Variants in UBXN11 observed in about 807,000 individuals in gnomAD.
UBXN11 encodes UBX domain protein 11.
UBXN11 carries 47 observed loss-of-function variants against 62.8 expected under a neutral mutation model. The observed-to-expected ratio is 0.75, with a 90% CI of 0.59 to 0.95. The LOEUF is 0.95. UBXN11 is among the 40% of genes least tolerant of loss of function. The pLI, the probability that UBXN11 is intolerant of heterozygous loss-of-function variation, is 0.00. For synonymous variants in UBXN11, 294 were observed against 267.0 expected (o/e 1.10, Z -0.99); for missense variants, 638 against 661.7 (o/e 0.96, Z 0.39).
At chr1:26,285,366 C>A in intron 10 of UBXN11, 98 bp downstream of exon 10, 3 of 1,548,962 alleles carry the variant, frequency 1.9e-6, no homozygotes, top group Non-Finnish European at 2.6e-6. Context: ...CCAGGGAGTG[C>A]AGCGGCTTCC....
rs778520711 is a variant in UBXN11 at position 26,318,064 on chromosome 1, T to C, written c.-166A>G. ...CTACTCACCATCAGCCTCCTGGTTA[T>C]GGTACAGGTAAGAGCAACGCCTGGC... On this transcript the variant is annotated 5_prime_UTR_variant, in exon 1 of 15. Transcript: ENST00000374217. The C allele has an allele frequency of 6.8e-6, 11 of 1,613,982 alleles. No individual in the cohort carries two copies. In the East Asian group the frequency reaches 2.0e-4, roughly 29 times the overall value.
chr1:26,283,911 G>A (rs1475782125), intron 12 of UBXN11, among the ~76,000 whole-genome samples: 1 of 152,178 alleles, frequency 6.6e-6, no homozygotes, highest in African/African-American at 2.4e-5. Context: ...GCTCACCCCT[G>A]GCCTGGACTC....
At chr1:26,282,598 G>A (rs755149678) in intron 14 of UBXN11, 29 bp from the exon 15 acceptor site, 1 of 1,611,980 alleles carries the variant, frequency 6.2e-7, no homozygotes. Context: ...AGATCAGGCT[G>A]GGCAGTGGGA....
intron 7 of UBXN11, 76 bp downstream of exon 7, chr1:26,296,843 C>CGTAT: frequency 1.3e-6 from 2 of 1,484,586 alleles, no homozygotes; most frequent in South Asian, 1.2e-5. Context: ...GGGCTCGGAC[C>CGTAT]CAGCTCCTGA....
upstream of UBXN11, chr1:26,306,824 C>CGGGGGGG (rs1344172803): frequency 0.012 from 60 of 5,088 alleles, no homozygotes; most frequent in South Asian, 0.017. Context: ...AGGTCCGGGG[C>CGGGGGGG]GGGGTGGGGG....
intron 1 of UBXN11, among the ~76,000 whole-genome samples, chr1:26,315,170 C>T (rs2073780282): frequency 1.3e-5 from 2 of 152,186 alleles, no homozygotes; most frequent in Non-Finnish European, 2.9e-5. Context: ...GAAGATACTC[C>T]TCAGGGTGTC....
rs375072598 is a variant in UBXN11, at chr1:26,285,815, G to A, written c.774+8C>T. ...CTAGAGCACCACCCCCCCCAACACC[G>A]CTCCTACCTGTGTGGAGGGATCGTA... is the stretch of plus-strand genomic sequence containing the variant. On this transcript the variant is annotated splice_region_variant and intron_variant, in intron 9 of 14. Transcript: ENST00000374222. The A allele has an allele frequency of 2.7e-5, 43 of 1,592,880 alleles. No individual in the cohort carries two copies. In the Middle Eastern group the frequency reaches 5.0e-4, roughly 19 times the overall value.
chr1:26,288,103 C>T (rs769649881), intron 8 of UBXN11, among the ~76,000 whole-genome samples: 1 of 152,026 alleles, frequency 6.6e-6, no homozygotes, highest in African/African-American at 2.4e-5. Context: ...GATGGGGTCT[C>T]GCTGTGTTAC....
At chr1:26,309,099 A>G (rs936117313), upstream of UBXN11, among the ~76,000 whole-genome samples, 64 of 150,990 alleles carry the variant, frequency 4.2e-4, no homozygotes, top group Non-Finnish European at 8.8e-5. Flanking sequence ...TGCCCAGCTA[A>G]TTTTTTTGTA....
At chr1:26,297,872 T>C in intron 5 of UBXN11, 90 bp downstream of exon 5, 2 of 1,404,570 alleles carry the variant, frequency 1.4e-6, no homozygotes, top group Middle Eastern at 2.0e-4. Flanking sequence ...GGTTCTAGAA[T>C]CACCCACCCT....
At chr1:26,314,001 C>T (rs4370757) in intron 1 of UBXN11, among the ~76,000 whole-genome samples, 21,390 of 151,866 alleles carry the variant, frequency 0.14, 1,701 homozygotes, top group Middle Eastern at 0.2. Flanking sequence ...AGGATGGTCT[C>T]GATCTCCTGA....
intron 1 of UBXN11, among the ~76,000 whole-genome samples, chr1:26,312,399 T>C (rs1343498134): frequency 6.6e-6 from 1 of 152,022 alleles, no homozygotes; most frequent in African/African-American, 2.4e-5. Context: ...TACAGGTGCA[T>C]GCCACCACGC....
At chr1:26,296,209 C>A (rs4471263) in intron 7 of UBXN11, among the ~76,000 whole-genome samples, 1 of 152,078 alleles carries the variant, frequency 6.6e-6, no homozygotes, top group Non-Finnish European at 1.5e-5. Flanking sequence ...GGTCTGTGAG[C>A]GGGGGAAAGA....
exon 1 of UBXN11, chr1:26,318,245 T>C: frequency 1.6e-6 from 1 of 618,438 alleles, no homozygotes; most frequent in Admixed American, 2.9e-5. Flanking sequence ...GCCTTCCAGC[T>C]CTTCTGGCTG....
At chr1:26,295,024 C>G (rs2073360198) in intron 7 of UBXN11, among the ~76,000 whole-genome samples, 1 of 152,174 alleles carries the variant, frequency 6.6e-6, no homozygotes, top group Non-Finnish European at 1.5e-5. Context: ...TCCATCCACA[C>G]GCTCTCCCAA....
At position 26,297,446 on chromosome 1, in the gene UBXN11, C is replaced by G; in HGVS notation, c.336G>C (p.Gln112His). The change falls in exon 6 of 15, where the codon CAG becomes CAC. Residue 112 changes from glutamine (Q) to histidine (H), a missense_variant. Physicochemically the swap from Gln to His is conservative, Grantham distance 24. Transcript: ENST00000374222. Reference protein sequence around the residue: ...QKIAALEDLVQTLRPHPAEAT... With the variant: ...QKIAALEDLVHTLRPHPAEAT... ...CCCTACCTGGGTGTGGCCGGAGGGT[C>G]TGCACCAGGTCCTCTAGGGCCGCTA... 6.4e-7 allele frequency: 1 copy of G among 1,555,250 alleles called. No homozygotes were observed. Among genetic ancestry groups the G allele is most frequent in the Non-Finnish European group, 8.7e-7 (1 of 1,149,126 alleles).
intron 1 of UBXN11, among the ~76,000 whole-genome samples, chr1:26,312,115 T>C (rs942924565): frequency 2.0e-5 from 3 of 152,120 alleles, no homozygotes; most frequent in African/African-American, 7.2e-5. Flanking sequence ...GCCTTTTCCA[T>C]TTGGGAAAAT....
At chr1:26,286,095 C>T in intron 8 of UBXN11, 58 bp from the exon 9 acceptor site, 1 of 1,488,602 alleles carries the variant, frequency 6.7e-7, no homozygotes, top group Non-Finnish European at 9.0e-7. Context: ...CCCTAGCAGC[C>T]CTAGCCTCTG....
chr1:26,291,359 G>A (rs766511931), intron 8 of UBXN11, among the ~76,000 whole-genome samples: 2 of 152,310 alleles, frequency 1.3e-5, no homozygotes, highest in East Asian at 1.9e-4. Context: ...AGAAAGAGCC[G>A]AATCAAGGCC....
Sources: gnomAD v4.1 joint callset for allele counts (sites outside exome capture counted in the v4.1 genomes callset) on GRCh38, gnomAD v4.1.1 for gene constraint, MANE v1.5 for transcripts, NCBI Gene and HGNC (gene_info 2026-07-23, HGNC 2026-07-21) for gene names.